The following SLIT3 variants were observed in gnomAD, a reference collection of about 807,000 sequenced individuals.
SLIT3 encodes slit homolog 3 protein.
A neutral mutation model predicts 184.0 loss-of-function variants in SLIT3; 68 were observed. The ratio of observed to expected loss-of-function variants is 0.37; its 90% CI spans 0.30 to 0.45. SLIT3 has a LOEUF of 0.45. Among genes scored for constraint, SLIT3 ranks in the 20% least tolerant of loss-of-function variants. SLIT3 has a pLI of 1.00. For synonymous variants in SLIT3, 831 were observed against 828.6 expected, an observed-to-expected ratio of 1.00 and a Z score of -0.05; for missense variants, 1,707 against 2,026.0, an observed-to-expected ratio of 0.84 and a Z score of 3.02.
intron 4 of SLIT3, among the ~76,000 whole-genome samples, chr5:169,136,649 A>G (rs1761512334): frequency 6.6e-6 from 1 of 152,172 alleles, no homozygotes; most frequent in Non-Finnish European, 1.5e-5. Flanking sequence ...CCCATCTTTC[A>G]ACGCCTAAAA....
intron 4 of SLIT3, among the ~76,000 whole-genome samples, chr5:168,944,677 A>G (rs1762420066): frequency 6.6e-6 from 1 of 152,114 alleles, no homozygotes; most frequent in Non-Finnish European, 1.5e-5. Flanking sequence ...AGATGCCAAA[A>G]CTGTCCCCTA....
chr5:168,711,089 C>T (rs778155710), intron 24 of SLIT3, 31 bp from the exon 25 acceptor site: 3 of 1,528,800 alleles, frequency 2.0e-6, no homozygotes, highest in African/African-American at 1.4e-5. Flanking sequence ...TCAGGGCCCC[C>T]TGCCCAGCTT....
intron 26 of SLIT3, among the ~76,000 whole-genome samples, chr5:168,704,524 C>T (rs560771269): frequency 9.5e-4 from 144 of 152,320 alleles, no homozygotes; most frequent in African/African-American, 3.2e-3. Context: ...AGCTCATGCA[C>T]TTCCTAAGTG....
intron 1 of SLIT3, among the ~76,000 whole-genome samples, chr5:169,265,813 G>A (rs923184144): frequency 6.6e-6 from 1 of 152,144 alleles, no homozygotes; most frequent in African/African-American, 2.4e-5. Context: ...GGCAAAATGT[G>A]AGCACAAGTA....
intron 6 of SLIT3, among the ~76,000 whole-genome samples, chr5:168,828,406 G>C (rs1422627838): frequency 1.3e-5 from 2 of 152,030 alleles, no homozygotes. Context: ...CACAGCGGGA[G>C]GACTGCTTGA....
At chr5:168,933,831 C>T (rs1346206497) in intron 4 of SLIT3, among the ~76,000 whole-genome samples, 2 of 152,176 alleles carry the variant, frequency 1.3e-5, no homozygotes, top group Non-Finnish European at 2.9e-5. Context: ...AGATCTTCAG[C>T]ACAAGAGTGA....
intron 4 of SLIT3, among the ~76,000 whole-genome samples, chr5:169,149,783 AAT>A (rs1762051906): frequency 1.3e-5 from 2 of 152,214 alleles, no homozygotes; most frequent in Non-Finnish European, 2.9e-5. Context: ...TGAGATGGTC[AAT>A]GTTAGCTGGT....
intron 4 of SLIT3, among the ~76,000 whole-genome samples, chr5:168,997,553 C>T (rs1196194033): frequency 2.0e-5 from 3 of 152,132 alleles, no homozygotes; most frequent in Admixed American, 1.3e-4. Flanking sequence ...GTCATGGCCG[C>T]GTGGCTTTCT....
intron 5 of SLIT3, among the ~76,000 whole-genome samples, chr5:168,863,000 T>C (rs917471839): frequency 1.3e-5 from 2 of 152,164 alleles, no homozygotes; most frequent in Admixed American, 6.5e-5. Context: ...ATCTTCTTCA[T>C]TGTCTGGTGT....
Position 168,734,000 on chromosome 5 carries a change from T to G in SLIT3, c.2271-9516A>C, listed in dbSNP as rs1439405206. ...GCATGACAATGGGTACACATGGACA[T>G]ACCGAGTAGAATAATGGACACTGGA... is the stretch of plus-strand genomic sequence containing the variant. On this transcript the variant is annotated intron_variant, in intron 20 of 35. Coordinates refer to ENST00000519560, the MANE Select transcript of SLIT3 (RefSeq NM_003062.4). 2.6e-5 allele frequency among the ~76,000 whole-genome samples: 4 copies of G among 151,990 alleles called. No homozygotes were observed. In the East Asian group the frequency reaches 7.7e-4, roughly 29 times the overall value.
chr5:169,291,758 GACTTGA>G (rs1289643458), intron 1 of SLIT3, among the ~76,000 whole-genome samples: 1 of 152,216 alleles, frequency 6.6e-6, no homozygotes, highest in East Asian at 1.9e-4. Flanking sequence ...AAAGGAGGCT[GACTTGA>G]AAGATTCTGG....
chr5:168,969,537 G>C (rs1265200219), intron 4 of SLIT3, among the ~76,000 whole-genome samples: 3 of 152,196 alleles, frequency 2.0e-5, no homozygotes, highest in African/African-American at 7.2e-5. Flanking sequence ...AGCAGGAAGA[G>C]AATCCCTCCC....
chr5:168,758,961 G>C (rs750809303), intron 16 of SLIT3, among the ~76,000 whole-genome samples: 10 of 152,322 alleles, frequency 6.6e-5, no homozygotes, highest in Non-Finnish European at 1.3e-4. Context: ...CTTGAACTTT[G>C]TTTCATGCAT....
At chr5:168,803,821 G>A (rs1456005000) in intron 9 of SLIT3, among the ~76,000 whole-genome samples, 1 of 152,140 alleles carries the variant, frequency 6.6e-6, no homozygotes, top group Non-Finnish European at 1.5e-5. Flanking sequence ...AATGAGATGA[G>A]GGCTGGCAGG....
intron 4 of SLIT3, among the ~76,000 whole-genome samples, chr5:169,066,165 G>A (rs1758342723): frequency 1.3e-5 from 2 of 152,188 alleles, no homozygotes; most frequent in African/African-American, 4.8e-5. Context: ...GAGCAGTCTG[G>A]AATTTGTTAA....
chr5:169,188,659 A>G (rs1763440302), intron 4 of SLIT3, among the ~76,000 whole-genome samples: 1 of 152,154 alleles, frequency 6.6e-6, no homozygotes, highest in Non-Finnish European at 1.5e-5. Flanking sequence ...CAGCATACGC[A>G]CTACTCTCAT....
intron 4 of SLIT3, among the ~76,000 whole-genome samples, chr5:169,089,792 G>A (rs1759499621): frequency 6.6e-6 from 1 of 152,210 alleles, no homozygotes; most frequent in Non-Finnish European, 1.5e-5. Flanking sequence ...TGTAACCATA[G>A]ATTAACTTGA....
At chr5:168,835,742 C>T (rs551132412) in intron 6 of SLIT3, among the ~76,000 whole-genome samples, 9 of 150,528 alleles carry the variant, frequency 6.0e-5, no homozygotes, top group South Asian at 2.1e-4. Flanking sequence ...ACTGGGGAGG[C>T]GGAGGTTGCA....
intron 3 of SLIT3, among the ~76,000 whole-genome samples, chr5:169,219,740 G>A (rs1764560779): frequency 6.6e-6 from 1 of 152,214 alleles, no homozygotes; most frequent in Non-Finnish European, 1.5e-5. Context: ...CCTATCCTGA[G>A]ATAGAGCCAC....
Sources: allele counts gnomAD v4.1 joint callset (sites outside exome capture counted in the v4.1 genomes callset), GRCh38; gene constraint gnomAD v4.1.1; transcripts MANE v1.5; gene names NCBI Gene and HGNC (gene_info 2026-07-23, HGNC 2026-07-21).